The following WLS variants were observed in gnomAD, a reference collection of about 807,000 sequenced individuals.
WLS encodes Wnt ligand secretion mediator.
Under a neutral mutation model 62.8 loss-of-function variants are expected in WLS, and 23 were observed. The ratio of observed to expected loss-of-function variants is 0.37; its 90% CI spans 0.26 to 0.52. The LOEUF (loss-of-function observed/expected upper bound fraction) is 0.52. Among genes scored for constraint, WLS ranks in the 20% least tolerant of loss-of-function variants. The pLI, the probability that WLS is intolerant of heterozygous loss-of-function variation, is 0.92. For missense variants in WLS, 615 were observed against 697.3 expected, an observed-to-expected ratio of 0.88 and a Z score of 1.33; for synonymous variants, 246 against 244.1, an observed-to-expected ratio of 1.01 and a Z score of -0.07.
rs1490697114 is a variant in WLS at position 68,148,147 on chromosome 1, T to C, written c.1123A>G (p.Thr375Ala). Residue 375 changes from threonine to alanine, a missense_variant, in exon 8 of 12, where the codon ACA (threonine) becomes GCA (alanine). Physicochemically the swap from Thr to Ala is moderately conservative, Grantham distance 58 (BLOSUM62 0). Transcript: ENST00000262348. ...FYSIWTTDIG[T>A]ELAMAFIIVA... ...TCAAGGAAGGATACGGCCAGCTCTG[T>C]TCCAATGTCTGTAGTCCAGATACTG... 1.2e-6 allele frequency: 2 copies of C among 1,614,130 alleles called. No individual in the cohort carries two copies. The highest frequency in any genetic ancestry group is 2.7e-5 in the African/African-American group (2 of 75,030).
chr1:68,129,015 A>C (rs1211502160), intron 11 of WLS, among the ~76,000 whole-genome samples: 1 of 150,282 alleles, frequency 6.7e-6, no homozygotes, highest in African/African-American at 2.4e-5. Flanking sequence ...CCACACACAC[A>C]GCATTACAGC....
At chr1:68,148,038 G>T in intron 8 of WLS, 98 bp downstream of exon 8, 1 of 1,258,084 alleles carries the variant, frequency 7.9e-7, no homozygotes, top group Non-Finnish European at 1.2e-6. Context: ...CCCTGGCTGA[G>T]TACATATGGG....
chr1:68,189,803 G>T lies in WLS; in HGVS notation c.379+4152C>A, dbSNP rs191689864. ...AATCCCAGCACTTTGGGAGGCCGAG[G>T]TGGGTGGATCACCTAAGGTCAGGAG... On this transcript the variant is annotated intron_variant, in intron 2 of 11. Transcript: ENST00000262348. 2.8e-3 allele frequency among the ~76,000 whole-genome samples: 427 copies of T among 152,312 alleles called. 8 individuals are homozygous for T. Among genetic ancestry groups the T allele is most frequent in the African/African-American group, 9.5e-3 (393 of 41,572 alleles).
In WLS at chr1:68,162,048, G is replaced by A. The variant is rs1646983734; in HGVS notation, c.380-2801C>T. ...CACAGTTTCTTAAGCTTTCTGGGATGTGACCTGTGATGGCTCGGCGGATCT... is the reference window on the plus strand; with the variant it reads ...CACAGTTTCTTAAGCTTTCTGGGATATGACCTGTGATGGCTCGGCGGATCT... On this transcript the variant is annotated intron_variant, in intron 2 of 11. Coordinates refer to ENST00000262348, the MANE Select transcript of WLS (RefSeq NM_024911.7). 6 of 1,591,562 alleles carry A rather than the reference G, an allele frequency of 3.8e-6. No homozygotes were observed. In the African/African-American group the frequency reaches 6.7e-5, roughly 18 times the overall value.
chr1:68,180,575 A>G (rs561691122), intron 2 of WLS, among the ~76,000 whole-genome samples: 19 of 152,256 alleles, frequency 1.2e-4, no homozygotes. Context: ...TAAATGCTAA[A>G]CCATCACAGC....
chr1:68,102,740 A>C (rs770038236), intron 11 of WLS: 2 of 152,174 alleles, frequency 1.3e-5, no homozygotes, highest in Non-Finnish European at 2.9e-5. Flanking sequence ...AAAAAGCCAA[A>C]AATCATATGC....
intron 1 of WLS, among the ~76,000 whole-genome samples, chr1:68,201,041 G>A (rs2820503): frequency 0.66 from 100,872 of 152,032 alleles, 34,284 homozygotes; most frequent in Non-Finnish European, 0.74. Context: ...CTTTAGCTAA[G>A]TTTAGAAATT....
intron 1 of WLS, among the ~76,000 whole-genome samples, chr1:68,199,589 G>A (rs1466186236): frequency 6.6e-6 from 1 of 152,102 alleles, no homozygotes; most frequent in Non-Finnish European, 1.5e-5. Flanking sequence ...ATTTAACGGT[G>A]AAAACTGTAG....
chr1:68,185,327 G>A (rs763054644), intron 2 of WLS, among the ~76,000 whole-genome samples: 3 of 152,142 alleles, frequency 2.0e-5, no homozygotes, highest in Admixed American at 6.6e-5. Context: ...ACTTATGCAC[G>A]TTATAAAGGA....
intron 2 of WLS, among the ~76,000 whole-genome samples, chr1:68,191,268 G>A (rs895086868): frequency 6.6e-6 from 1 of 152,010 alleles, no homozygotes; most frequent in Non-Finnish European, 1.5e-5. Flanking sequence ...AGAATACCAC[G>A]TCCTTTACCT....
chr1:68,168,494 G>C (rs1647095872), intron 2 of WLS, among the ~76,000 whole-genome samples: 1 of 152,124 alleles, frequency 6.6e-6, no homozygotes, highest in Non-Finnish European at 1.5e-5. Flanking sequence ...TCTCCATCTA[G>C]TCCCAGGGTG....
chr1:68,128,757 A>G (rs1057373450), intron 11 of WLS, among the ~76,000 whole-genome samples: 6 of 152,224 alleles, frequency 3.9e-5, no homozygotes, highest in African/African-American at 1.4e-4. Context: ...AATACTGTAC[A>G]AATATTAATG....
chr1:68,148,595 G>T lies in WLS; in HGVS notation c.1038C>A (p.Ser346=). 1 of 1,614,100 alleles carries T rather than the reference G, an allele frequency of 6.2e-7. No individual in the cohort carries two copies. Among genetic ancestry groups the T allele is most frequent in the South Asian group, 1.1e-5 (1 of 91,050 alleles). The change falls in exon 7 of 12, where the codon TCC becomes TCA. Residue 346 remains serine (S), a synonymous_variant. Coordinates refer to ENST00000262348, the MANE Select transcript of WLS (RefSeq NM_024911.7). ...ACATGTCAAATATGAAGAGGCAGAA[G>T]GAGCCAACGGCAATGGGTCCGACTT... is the stretch of plus-strand genomic sequence containing the variant. ...WKQVGPIAVG[S]FCLFIFDMCE... is the part of the protein sequence containing the mutation.
chr1:68,110,651 ATCTCTGTCTCTCTC>A (rs1344671001), intron 11 of WLS, among the ~76,000 whole-genome samples: 11,336 of 126,186 alleles, frequency 0.09, 527 homozygotes, highest in Admixed American at 0.17. Flanking sequence ...GCCCCCAAAA[ATCTCTGTCTCTCTC>A]TCTCTCTCTC....
chr1:68,122,311 G>A (rs1045226524), downstream of WLS, among the ~76,000 whole-genome samples: 9 of 152,146 alleles, frequency 5.9e-5, no homozygotes, highest in African/African-American at 1.7e-4. Flanking sequence ...CCAAGGGCCC[G>A]ATCAGCTATG....
chr1:68,225,200 G>GT (rs1211678239), intron 1 of WLS, among the ~76,000 whole-genome samples: 1 of 152,114 alleles, frequency 6.6e-6, no homozygotes, highest in Non-Finnish European at 1.5e-5. Flanking sequence ...AGAGGTGGTA[G>GT]TAAGAGGCTA....
intron 3 of WLS, among the ~76,000 whole-genome samples, chr1:68,158,684 C>T (rs759960795): frequency 6.6e-6 from 1 of 152,110 alleles, no homozygotes; most frequent in Non-Finnish European, 1.5e-5. Context: ...GGGCTGCATG[C>T]GGCCCGCAGG....
intron 11 of WLS, among the ~76,000 whole-genome samples, chr1:68,116,085 TTCA>T: frequency 6.6e-6 from 1 of 152,196 alleles, no homozygotes; most frequent in East Asian, 1.9e-4. Flanking sequence ...CCCTCATTTC[TTCA>T]TTAACTTCCA....
At chr1:68,138,589 T>C (rs1246175639) in intron 10 of WLS, 1 of 152,216 alleles carries the variant, frequency 6.6e-6, no homozygotes, top group Non-Finnish European at 1.5e-5. Context: ...AAAATAATTA[T>C]GAAGCTTTCA....
Sources: allele counts gnomAD v4.1 joint callset (sites outside exome capture counted in the v4.1 genomes callset), GRCh38; gene constraint gnomAD v4.1.1; transcripts MANE v1.5; gene names NCBI Gene and HGNC (gene_info 2026-07-23, HGNC 2026-07-21).